RUNDC3B: variants seen among roughly 807,000 people sequenced by gnomAD.
RUNDC3B encodes the protein RUN domain containing 3B.
RUNDC3B carries 33 observed loss-of-function variants against 58.4 expected under a neutral mutation model. The observed-to-expected ratio is 0.56, with a 90% CI of 0.43 to 0.75. RUNDC3B has a LOEUF of 0.75. RUNDC3B is among the 30% of genes least tolerant of loss of function. RUNDC3B has a pLI of 0.00. For synonymous variants in RUNDC3B, 193 were observed against 195.2 expected (o/e 0.99, Z 0.10); for missense variants, 501 against 535.7 (o/e 0.94, Z 0.64).
At chr7:87,668,124 T>G (rs1391367363) in intron 2 of RUNDC3B, among the ~76,000 whole-genome samples, 1 of 152,052 alleles carries the variant, frequency 6.6e-6, no homozygotes, top group Non-Finnish European at 1.5e-5. Flanking sequence ...CTTGGCTTTT[T>G]TTTTTTTGGT....
At chr7:87,805,106 C>A (rs1017869780) in intron 8 of RUNDC3B, among the ~76,000 whole-genome samples, 1 of 152,070 alleles carries the variant, frequency 6.6e-6, no homozygotes, top group African/African-American at 2.4e-5. Context: ...CTGAGCTACC[C>A]CAGAGGGCTG....
At chr7:87,648,796 G>T (rs1823282327) in intron 1 of RUNDC3B, among the ~76,000 whole-genome samples, 1 of 151,972 alleles carries the variant, frequency 6.6e-6, no homozygotes. Context: ...TAATTATAAA[G>T]ATTATTTTGC....
chr7:87,754,114 C>T (rs1303730674), intron 6 of RUNDC3B, among the ~76,000 whole-genome samples: 1 of 152,100 alleles, frequency 6.6e-6, no homozygotes, highest in East Asian at 1.9e-4. Context: ...CTGAACTTTC[C>T]ACCTCCAAAT....
At chr7:87,640,220 A>C (rs1288261360) in intron 1 of RUNDC3B, among the ~76,000 whole-genome samples, 1 of 150,042 alleles carries the variant, frequency 6.7e-6, no homozygotes, top group Non-Finnish European at 1.5e-5. Flanking sequence ...TAAATCTTAC[A>C]TTATTTTATT....
intron 4 of RUNDC3B, among the ~76,000 whole-genome samples, chr7:87,735,093 G>A (rs1831848065): frequency 6.6e-6 from 1 of 152,086 alleles, no homozygotes; most frequent in African/African-American, 2.4e-5. Context: ...AGATAGTTCA[G>A]ATATACTAAT....
In RUNDC3B at chr7:87,794,605, A is replaced by C. The variant is rs560639836; in HGVS notation, c.957-12768A>C. ...TCAATGCAATTCCTGTCAAAATACCAATGAGAGTCTTTATAGAAACAAAAA... is the reference window on the plus strand; with the variant it reads ...TCAATGCAATTCCTGTCAAAATACCCATGAGAGTCTTTATAGAAACAAAAA... On this transcript the variant is annotated intron_variant, in intron 8 of 10. Coordinates refer to ENST00000394654, the MANE Select transcript of RUNDC3B (RefSeq NM_001134405.2). Among the ~76,000 whole-genome samples the C allele has an allele frequency of 3.3e-5, 5 of 151,790 alleles. No individual in the cohort carries two copies. In the South Asian group the frequency reaches 1.0e-3, roughly 32 times the overall value.
At chr7:87,647,670 C>G (rs1823147174) in intron 1 of RUNDC3B, among the ~76,000 whole-genome samples, 1 of 152,080 alleles carries the variant, frequency 6.6e-6, no homozygotes, top group Non-Finnish European at 1.5e-5. Context: ...ATTTGAATTA[C>G]CATTGTAATT....
chr7:87,672,828 C>T (rs1825968574), intron 2 of RUNDC3B, among the ~76,000 whole-genome samples: 1 of 152,170 alleles, frequency 6.6e-6, no homozygotes, highest in East Asian at 1.9e-4. Flanking sequence ...TGCGTTACTC[C>T]TGGGTGGGCT....
intron 10 of RUNDC3B, among the ~76,000 whole-genome samples, chr7:87,823,791 TACACACACACACACAC>T (rs113441553): frequency 1.4e-5 from 2 of 143,786 alleles, no homozygotes; most frequent in Non-Finnish European, 3.1e-5. Context: ...TTCATATATA[TACACACACACACACAC>T]ACACACACAC....
rs996155919 is a variant in RUNDC3B, at chr7:87,830,283, T to C, written c.*253T>C. 1.5e-5 allele frequency: 4 copies of C among 258,700 alleles called. No individual in the cohort carries two copies. Among genetic ancestry groups the C allele is most frequent in the Admixed American group, 5.4e-5 (1 of 18,608 alleles). The allele number at this position is 258,700 out of a possible 1,614,324, so 16.0% of individuals were successfully genotyped here. On this transcript the variant is annotated 3_prime_UTR_variant, in exon 11 of 11. Coordinates refer to ENST00000394654, the MANE Select transcript of RUNDC3B (RefSeq NM_001134405.2). ...ATAGGCTTTAAAAAAAAAAAAACTT[T>C]CAAAGATCCGCCAAATCATTCATAG...
chr7:87,676,703 CAAAAAAAAAAAAAAAA>C (rs57480483), intron 2 of RUNDC3B, among the ~76,000 whole-genome samples: 4 of 45,432 alleles, frequency 8.8e-5, no homozygotes, highest in Non-Finnish European at 1.8e-4. Flanking sequence ...GACCCTGTCT[CAAAAAAAAAAAAAAAA>C]AAAAAAAAAA....
At chr7:87,793,449 C>A (rs771389817) in intron 8 of RUNDC3B, among the ~76,000 whole-genome samples, 3 of 151,994 alleles carry the variant, frequency 2.0e-5, no homozygotes, top group Non-Finnish European at 4.4e-5. Context: ...AAACCAAATT[C>A]AACAATACAC....
rs745481591 is a variant in RUNDC3B, at chr7:87,830,032, A to C, written c.*2A>C. On this transcript the variant is annotated 3_prime_UTR_variant, in exon 11 of 11. Transcript: ENST00000394654. ...AGTCCAGGCCTAACTCCATCCTGAA[A>C]ATTTTTGTGTAAAAGCCAAAACTTT... 6.4e-7 allele frequency: 1 copy of C among 1,563,250 alleles called. No individual in the cohort carries two copies.
In RUNDC3B at chr7:87,691,963, T is replaced by C. The variant is rs564798250; in HGVS notation, c.239-8458T>C. On this transcript the variant is annotated intron_variant, in intron 2 of 10. Transcript: ENST00000394654. ...ATTAGATAACTTGGAATATAGTGGATTGTTGTTTGGTCCAGATATTTCTGG... is the reference window on the plus strand; with the variant it reads ...ATTAGATAACTTGGAATATAGTGGACTGTTGTTTGGTCCAGATATTTCTGG... Among the ~76,000 whole-genome samples, 3 of 152,312 alleles carry C rather than the reference T, an allele frequency of 2.0e-5. No homozygotes were observed. The South Asian group carries it at 6.2e-4, about 32-fold the overall frequency.
chr7:87,670,877 G>C (rs183297817), intron 2 of RUNDC3B, among the ~76,000 whole-genome samples: 10 of 152,210 alleles, frequency 6.6e-5, no homozygotes, highest in African/African-American at 2.4e-4. Context: ...CTCTGTCAAT[G>C]TTCTGAAAGT....
At chr7:87,783,310 A>T (rs1354545004) in intron 8 of RUNDC3B, among the ~76,000 whole-genome samples, 1 of 152,148 alleles carries the variant, frequency 6.6e-6, no homozygotes, top group Non-Finnish European at 1.5e-5. Context: ...TTTATCCGAT[A>T]TAAGAATAGG....
chr7:87,714,709 A>C (rs776338086), intron 4 of RUNDC3B, among the ~76,000 whole-genome samples: 3 of 152,106 alleles, frequency 2.0e-5, no homozygotes, highest in Non-Finnish European at 4.4e-5. Context: ...AAAGAGGTGT[A>C]GAAGAGCCAT....
intron 1 of RUNDC3B, among the ~76,000 whole-genome samples, chr7:87,629,633 A>G (rs976352515): frequency 7.9e-5 from 12 of 152,204 alleles, no homozygotes; most frequent in Non-Finnish European, 1.0e-4. Flanking sequence ...CAATAAAAGA[A>G]TAATTACTAT....
At chr7:87,694,250 G>A (rs1183188022) in intron 2 of RUNDC3B, among the ~76,000 whole-genome samples, 2 of 152,106 alleles carry the variant, frequency 1.3e-5, no homozygotes, top group Non-Finnish European at 2.9e-5. Context: ...CAGGGAAGCT[G>A]TATGAATATT....
Sources: allele counts gnomAD v4.1 joint callset (sites outside exome capture counted in the v4.1 genomes callset), GRCh38; gene constraint gnomAD v4.1.1; transcripts MANE v1.5; gene names NCBI Gene and HGNC (gene_info 2026-07-23, HGNC 2026-07-21).